Variants in DEPDC5 observed in about 807,000 individuals in gnomAD.
The protein encoded by DEPDC5 is GATOR1 complex protein DEPDC5.
In DEPDC5, 73 loss-of-function variants were observed where a neutral mutation model predicts 217.3. That is an observed-to-expected ratio of 0.34 (90% CI 0.28 to 0.41). The LOEUF is 0.41. Ranked by LOEUF, DEPDC5 falls within the 10% of genes least tolerant of loss-of-function variation. The pLI is 1.00. For missense variants in DEPDC5, 1,675 were observed against 2,070.1 expected, an observed-to-expected ratio of 0.81 and a Z score of 3.70; for synonymous variants, 733 against 756.7, an observed-to-expected ratio of 0.97 and a Z score of 0.51.
rs2092344973 is a variant in DEPDC5, at chr22:31,857,449, C to T, written c.3160C>T (p.Leu1054=). 1 of 1,604,794 alleles carries T rather than the reference C, an allele frequency of 6.2e-7. No individual in the cohort carries two copies. Among genetic ancestry groups the T allele is most frequent in the Non-Finnish European group, 8.5e-7 (1 of 1,175,828 alleles). ...ATGTGCTTTTCCTCCTTTCAGGTGC[C>T]TGGGAGAACAGCAGGCAGCTGTGCA... is the stretch of plus-strand genomic sequence containing the variant. ...LLEMEASQKC[L]GEQQAAVHGG... is the part of the protein sequence containing the mutation. Residue 1054 remains leucine, a synonymous_variant, in exon 32 of 43, where the codon CTG becomes TTG. Transcript: ENST00000651528.
chr22:31,834,229 A>G (rs1301268411), intron 25 of DEPDC5: 10 of 516,192 alleles, frequency 1.9e-5, no homozygotes, highest in East Asian at 1.3e-4. Flanking sequence ...CAGATTCCCT[A>G]TAAGGCCCCC....
At chr22:31,904,548 G>A (rs990594107) in intron 41 of DEPDC5, among the ~76,000 whole-genome samples, 6 of 152,184 alleles carry the variant, frequency 3.9e-5, no homozygotes, top group Non-Finnish European at 5.9e-5. Context: ...TTCAAGACCA[G>A]CCTGGCCAAA....
At chr22:31,884,378 A>G (rs961615515) in intron 38 of DEPDC5, among the ~76,000 whole-genome samples, 2 of 152,130 alleles carry the variant, frequency 1.3e-5, no homozygotes, top group Admixed American at 6.5e-5. Flanking sequence ...GCAAAACTCA[A>G]ATCGGGTTTC....
At chr22:31,797,910 G>T (rs1037447975) in intron 13 of DEPDC5, among the ~76,000 whole-genome samples, 2 of 151,382 alleles carry the variant, frequency 1.3e-5, no homozygotes, top group African/African-American at 4.9e-5. Flanking sequence ...GTGAGGCCTT[G>T]TGGAGCCAGA....
At chr22:31,782,888 T>C (rs886133895) in intron 8 of DEPDC5, among the ~76,000 whole-genome samples, 2 of 152,224 alleles carry the variant, frequency 1.3e-5, no homozygotes, top group African/African-American at 4.8e-5. Flanking sequence ...TCAGTAACTA[T>C]TTAAATGAAA....
At chr22:31,782,516 ACTT>A (rs2148388190) in intron 8 of DEPDC5, among the ~76,000 whole-genome samples, 1 of 152,230 alleles carries the variant, frequency 6.6e-6, no homozygotes, top group Non-Finnish European at 1.5e-5. Context: ...TTCCCTCTAA[ACTT>A]CTTTAGAGCC....
rs137975104 is a variant in DEPDC5, at chr22:31,858,583, C to T, written c.3264+1030C>T. ...TTACCTCCATATCATGAAAATTTCT[C>T]ATGTCATTAAATGTTTTACAAAAGC... is the stretch of plus-strand genomic sequence containing the variant. On this transcript the variant is annotated intron_variant, in intron 32 of 42. Coordinates refer to ENST00000651528, the MANE Select transcript of DEPDC5 (RefSeq NM_001242896.3). 2.4e-4 allele frequency: 36 copies of T among 152,236 alleles called. No individual in the cohort carries two copies. In the East Asian group the frequency reaches 5.2e-3, roughly 22 times the overall value. The allele number at this position is 152,236 out of a possible 1,614,324, so 9.4% of individuals were successfully genotyped here. A position where few individuals can be genotyped will look rare whatever the true frequency, so the allele number is the denominator to read the frequency against.
In DEPDC5 at chr22:31,879,569, G is replaced by T; in HGVS notation, c.3850G>T (p.Asp1284Tyr). ...PATTWHTAGV[D>Y]DFASFQRKWF... Reference sequence around the variant, plus strand: ...CACCACCTGGCACACAGCAGGAGTGGACGACTTCGCCAGCTTCCAGCGCAA... The same window carrying T: ...CACCACCTGGCACACAGCAGGAGTGTACGACTTCGCCAGCTTCCAGCGCAA... Residue 1284 changes from aspartate (D) to tyrosine (Y), a missense_variant, in exon 38 of 43, where the codon GAC (aspartate) becomes TAC (tyrosine). Transcript: ENST00000651528. 1.2e-6 allele frequency: 2 copies of T among 1,612,952 alleles called. No individual in the cohort carries two copies. Among genetic ancestry groups the T allele is most frequent in the Non-Finnish European group, 1.7e-6 (2 of 1,180,020 alleles).
At chr22:31,826,563 C>T (rs911514325) in intron 24 of DEPDC5, 16 of 382,538 alleles carry the variant, frequency 4.2e-5, no homozygotes, top group South Asian at 2.6e-4. Flanking sequence ...GTTTATTATT[C>T]AGCTGCAACA....
intron 31 of DEPDC5, among the ~76,000 whole-genome samples, chr22:31,856,659 G>A (rs939725322): frequency 6.6e-6 from 1 of 152,142 alleles, no homozygotes; most frequent in Non-Finnish European, 1.5e-5. Context: ...CTGTTAGTTT[G>A]GTTTGGAGGG....
chr22:31,784,677 A>G (rs1344878830), intron 9 of DEPDC5, 137 bp from the exon 10 acceptor site: 16 of 657,098 alleles, frequency 2.4e-5, no homozygotes, highest in Middle Eastern at 3.4e-4. Context: ...CCTTTCTTAT[A>G]GAAGAAGTTG....
intron 6 of DEPDC5, among the ~76,000 whole-genome samples, 181 bp downstream of exon 6, chr22:31,766,849 C>G (rs1000589763): frequency 5.9e-5 from 9 of 152,210 alleles, no homozygotes; most frequent in East Asian, 5.8e-4. Context: ...CTTTTGTTTA[C>G]TGTTACAGAT....
intron 7 of DEPDC5, among the ~76,000 whole-genome samples, chr22:31,772,450 C>T (rs1224800565): frequency 6.6e-6 from 1 of 152,060 alleles, no homozygotes; most frequent in Non-Finnish European, 1.5e-5. Context: ...ATTAGTGGTT[C>T]GAGTGATGTT....
chr22:31,776,191 A>G (rs1425053522), intron 7 of DEPDC5, among the ~76,000 whole-genome samples: 1 of 151,880 alleles, frequency 6.6e-6, no homozygotes, highest in Non-Finnish European at 1.5e-5. Context: ...AGCTCACTAC[A>G]GCCTTGACCT....
rs1409421841 is a variant in DEPDC5, at chr22:31,791,582, A to G, written c.625-451A>G. ...GAGGTGGAGGCTGCAATGAGCCGAG[A>G]TTGTGCCACTGCACTCCAGCCTGGG... On this transcript the variant is annotated intron_variant, in intron 10 of 42. Coordinates refer to ENST00000651528, the MANE Select transcript of DEPDC5 (RefSeq NM_001242896.3). 2.1e-5 allele frequency among the ~76,000 whole-genome samples: 3 copies of G among 142,946 alleles called. 1 individual carries two copies. The East Asian group carries it at 6.5e-4, about 31-fold the overall frequency. 93.8% of individuals were successfully genotyped at this position (142,946 alleles called of 152,430 possible).
intron 31 of DEPDC5, among the ~76,000 whole-genome samples, chr22:31,855,875 G>T (rs1464578332): frequency 1.3e-5 from 2 of 151,852 alleles, no homozygotes; most frequent in Non-Finnish European, 2.9e-5. Flanking sequence ...ACATATTTTT[G>T]CATCCCTGGT....
chr22:31,760,803 C>A, intron 4 of DEPDC5, 101 bp downstream of exon 4: 1 of 982,042 alleles, frequency 1.0e-6, no homozygotes, highest in Non-Finnish European at 1.5e-6. Context: ...AAGTAATTCT[C>A]TTCTTTTTTA....
intron 6 of DEPDC5, among the ~76,000 whole-genome samples, chr22:31,767,216 C>G (rs2082893893): frequency 6.6e-6 from 1 of 151,690 alleles, no homozygotes; most frequent in South Asian, 2.1e-4. Flanking sequence ...TCTTGGCTTA[C>G]TGTAACCTCT....
intron 38 of DEPDC5, among the ~76,000 whole-genome samples, chr22:31,883,165 G>T (rs188321096): frequency 8.5e-4 from 130 of 152,260 alleles, no homozygotes; most frequent in Non-Finnish European, 1.6e-3. Flanking sequence ...TCCTGACATT[G>T]CCAAATGTCC....
Sources: allele counts gnomAD v4.1 joint callset (sites outside exome capture counted in the v4.1 genomes callset), GRCh38; gene constraint gnomAD v4.1.1; transcripts MANE v1.5; gene names NCBI Gene and HGNC (gene_info 2026-07-23, HGNC 2026-07-21).